The following PLCE1 variants were observed in gnomAD, a reference collection of about 807,000 sequenced individuals.
PLCE1 encodes phospholipase C epsilon 1.
A neutral mutation model predicts 242.8 loss-of-function variants in PLCE1; 119 were observed. That is an observed-to-expected ratio of 0.49 (90% confidence interval 0.42 to 0.57). PLCE1 has a LOEUF of 0.57. Ranked by LOEUF, PLCE1 falls within the 20% of genes least tolerant of loss-of-function variation. PLCE1 has a pLI of 0.00. For missense variants in PLCE1, 2,441 were observed against 2,788.8 expected, an observed-to-expected ratio of 0.88 and a Z score of 2.81; for synonymous variants, 945 against 1,017.4, an observed-to-expected ratio of 0.93 and a Z score of 1.35.
At chr10:94,216,442 G>A (rs531108868) in intron 4 of PLCE1, among the ~76,000 whole-genome samples, 2 of 152,300 alleles carry the variant, frequency 1.3e-5, no homozygotes, top group South Asian at 4.1e-4. Context: ...AGACACTCAG[G>A]AATGATTTGC....
intron 3 of PLCE1, among the ~76,000 whole-genome samples, chr10:94,154,482 T>C (rs1210037108): frequency 6.6e-6 from 1 of 152,172 alleles, no homozygotes; most frequent in East Asian, 1.9e-4. Flanking sequence ...TTAAAAACTT[T>C]CCTGCATCAA....
Position 94,273,658 on chromosome 10 carries a change from GTTC to G in PLCE1, c.4609_4611del (p.Leu1537del), listed in dbSNP as rs1271237844. 4 of 1,613,848 alleles carry G rather than the reference GTTC, an allele frequency of 2.5e-6. No individual in the cohort carries two copies. The highest frequency in any genetic ancestry group is 1.1e-5 in the South Asian group (1 of 91,076). Reference sequence around the variant, plus strand: ...TTCACCTGACCAACTCAGAAAGAAAGTTCTTCTTAAAAACAAGAAGCTAAAAGC... The same window carrying G: ...TTCACCTGACCAACTCAGAAAGAAAGTTCTTAAAAACAAGAAGCTAAAAGC... On this transcript the variant is annotated inframe_deletion, in exon 19 of 33. Transcript: ENST00000371380.
chr10:94,303,588 GA>G (rs2053108206), intron 24 of PLCE1, among the ~76,000 whole-genome samples: 1 of 152,144 alleles, frequency 6.6e-6, no homozygotes, highest in South Asian at 2.1e-4. Flanking sequence ...AGATTTCAAG[GA>G]AAAGCATGTT....
chr10:94,273,951 G>A (rs921982651), intron 19 of PLCE1, among the ~76,000 whole-genome samples: 3 of 152,130 alleles, frequency 2.0e-5, no homozygotes, highest in Non-Finnish European at 2.9e-5. Flanking sequence ...ATATACCTCC[G>A]TTATTTAATT....
At chr10:94,236,199 A>G in intron 7 of PLCE1, 79 bp downstream of exon 7, 1 of 1,203,618 alleles carries the variant, frequency 8.3e-7, no homozygotes, top group South Asian at 1.3e-5. Context: ...ACTTCAGCTT[A>G]GTTTCAGATG....
At position 94,265,879 on chromosome 10, in the gene PLCE1, A is replaced by G. The variant is rs1400427421; in HGVS notation, c.4202A>G (p.Tyr1401Cys). The G allele has an allele frequency of 6.2e-7, 1 of 1,614,044 alleles. No individual in the cohort carries two copies. Among genetic ancestry groups the G allele is most frequent in the Non-Finnish European group, 8.5e-7 (1 of 1,179,936 alleles). ...GAACTGCAGCTACCCCTCTCATACTATTACATCGAATCTTCGCACAATACC... is the reference window on the plus strand; with the variant it reads ...GAACTGCAGCTACCCCTCTCATACTGTTACATCGAATCTTCGCACAATACC... ...IKELQLPLSY[Y>C]YIESSHNTYL... is the part of the protein sequence containing the mutation. The change falls in exon 16 of 33, where the codon TAT (tyrosine) becomes TGT (cysteine). Residue 1401 changes from tyrosine (Y) to cysteine (C), a missense_variant. This residue lies in a region of PLCE1 where 1,004 missense variants were observed against 1,322.7 expected (regional missense o/e 0.76). Coordinates refer to ENST00000371380, the MANE Select transcript of PLCE1 (RefSeq NM_016341.4).
At chr10:94,019,269 T>C (rs1013669357) in intron 1 of PLCE1, among the ~76,000 whole-genome samples, 12 of 152,200 alleles carry the variant, frequency 7.9e-5, no homozygotes, top group African/African-American at 2.2e-4. Context: ...TTGAGGAAGT[T>C]GTTTGCTGCT....
chr10:94,324,579 A>T lies in PLCE1; in HGVS notation c.6720+12A>T. 1 of 1,598,694 alleles carries T rather than the reference A, an allele frequency of 6.3e-7. No homozygotes were observed. Among genetic ancestry groups the T allele is most frequent in the Non-Finnish European group, 8.6e-7 (1 of 1,166,306 alleles). ...AGGAGCAGGTGCAGGTAAAGTTTAA[A>T]GTTATTTTGCTCTGTTCTTAAGTTA... is the stretch of plus-strand genomic sequence containing the variant. On this transcript the variant is annotated intron_variant, in intron 31 of 32. Transcript: ENST00000371380.
Position 94,032,181 on chromosome 10 carries a change from A to G in PLCE1, c.1135A>G (p.Met379Val), listed in dbSNP as rs2061571853. Residue 379 changes from methionine (M) to valine (V), a missense_variant, in exon 2 of 33, where the codon ATG becomes GTG. Transcript: ENST00000371380. ...TCCCTTACTGCCTTGTGGGAGAGTA[A>G]TGGAACCCCCGTCAACAGTGGAGAT... ...NGPLLPCGRVMEPPSTVEIRQ... is the reference protein window; with the variant it reads ...NGPLLPCGRVVEPPSTVEIRQ... The G allele has an allele frequency of 6.2e-7, 1 of 1,611,910 alleles. No homozygotes were observed. Among genetic ancestry groups the G allele is most frequent in the Non-Finnish European group, 8.5e-7 (1 of 1,179,404 alleles).
chr10:94,235,939 G>C lies in PLCE1; in HGVS notation c.2239G>C (p.Asp747His). 1 of 1,613,906 alleles carries C rather than the reference G, an allele frequency of 6.2e-7. No individual in the cohort carries two copies. The highest frequency in any genetic ancestry group is 8.5e-7 in the Non-Finnish European group (1 of 1,179,868). Residue 747 changes from aspartate to histidine, a missense_variant, in exon 7 of 33, where the codon GAT becomes CAT. Physicochemically the swap from Asp to His is moderately conservative, Grantham distance 81. Coordinates refer to ENST00000371380, the MANE Select transcript of PLCE1 (RefSeq NM_016341.4). The stretch of plus-strand genomic sequence containing the variant: ...GTTTGTAGCAGATTACAGTGGACAA[G>C]ATAATTTCTTACAACGAGTGGGACA... ...LEFVADYSGQ[D>H]NFLQRVGQNG...
At chr10:94,162,607 C>G (rs1368736016) in intron 3 of PLCE1, among the ~76,000 whole-genome samples, 1 of 152,100 alleles carries the variant, frequency 6.6e-6, no homozygotes, top group Non-Finnish European at 1.5e-5. Flanking sequence ...AAAAAACCAG[C>G]TCCTGGATTC....
intron 4 of PLCE1, 59 bp downstream of exon 4, chr10:94,171,555 A>G: frequency 7.7e-7 from 1 of 1,305,954 alleles, no homozygotes; most frequent in Non-Finnish European, 1.1e-6. Context: ...ATTTTCAAGC[A>G]TACCTCCCCT....
intron 16 of PLCE1, 44 bp from the exon 17 acceptor site, chr10:94,268,885 C>A: frequency 2.7e-6 from 3 of 1,107,202 alleles, no homozygotes; most frequent in Non-Finnish European, 4.2e-6. Flanking sequence ...GAGGCTTTAT[C>A]TCCAGGTGCT....
chr10:94,097,126 T>A (rs1364714065), intron 2 of PLCE1, among the ~76,000 whole-genome samples: 1 of 152,240 alleles, frequency 6.6e-6, no homozygotes, highest in East Asian at 1.9e-4. Flanking sequence ...CAAGTTCATG[T>A]GTAGTCAGAG....
At chr10:94,082,554 C>G (rs1265848311) in intron 2 of PLCE1, among the ~76,000 whole-genome samples, 2 of 152,190 alleles carry the variant, frequency 1.3e-5, no homozygotes, top group Non-Finnish European at 2.9e-5. Context: ...ACATTCCCCT[C>G]TACTTTACCT....
intron 7 of PLCE1, among the ~76,000 whole-genome samples, chr10:94,243,064 T>C (rs1190148936): frequency 2.0e-5 from 3 of 151,818 alleles, no homozygotes; most frequent in Non-Finnish European, 4.4e-5. Flanking sequence ...AAGAGTAGAG[T>C]ATGGAAATGA....
intron 2 of PLCE1, among the ~76,000 whole-genome samples, chr10:94,083,117 T>C (rs1397624284): frequency 2.0e-5 from 3 of 152,198 alleles, no homozygotes; most frequent in African/African-American, 7.2e-5. Context: ...GCATTCTCTG[T>C]TTGCATTGCA....
At chr10:94,036,093 T>C (rs1331810886) in intron 2 of PLCE1, among the ~76,000 whole-genome samples, 1 of 152,214 alleles carries the variant, frequency 6.6e-6, no homozygotes, top group African/African-American at 2.4e-5. Context: ...TGACTGGCCA[T>C]GTGAATTCTG....
chr10:94,303,858 T>C (rs1234315178), intron 24 of PLCE1, among the ~76,000 whole-genome samples: 1 of 152,176 alleles, frequency 6.6e-6, no homozygotes, highest in Non-Finnish European at 1.5e-5. Flanking sequence ...CAGCCTTGTC[T>C]CCTTGTTATT....
Sources: gnomAD v4.1 joint callset for allele counts (sites outside exome capture counted in the v4.1 genomes callset) on GRCh38, gnomAD v4.1.1 for gene constraint, gnomAD v4.1.1 regional missense constraint, MANE v1.5 for transcripts, NCBI Gene and HGNC (gene_info 2026-07-23, HGNC 2026-07-21) for gene names.